Variants in TCF12 observed in about 807,000 individuals in gnomAD.
TCF12 encodes transcription factor 12, also known as DNA-binding protein HTF4.
In TCF12, 45 loss-of-function variants were observed where a neutral mutation model predicts 86.0. The observed-to-expected ratio is 0.52, with a 90% CI of 0.41 to 0.67. The LOEUF (loss-of-function observed/expected upper bound fraction) is 0.67. Among genes scored for constraint, TCF12 ranks in the 30% least tolerant of loss-of-function variants. The pLI is 0.00. For missense variants in TCF12, 881 were observed against 859.9 expected (o/e 1.02, Z -0.31); for synonymous variants, 330 against 299.6 (o/e 1.10, Z -1.05).
chr15:57,095,424 A>G (rs2049258903), intron 5 of TCF12, among the ~76,000 whole-genome samples: 1 of 152,206 alleles, frequency 6.6e-6, no homozygotes, highest in Non-Finnish European at 1.5e-5. Context: ...TGAACTTAGA[A>G]ACAAATTATT....
intron 16 of TCF12, among the ~76,000 whole-genome samples, chr15:57,254,026 T>A (rs1321600854): frequency 2.6e-5 from 4 of 152,098 alleles, no homozygotes; most frequent in African/African-American, 4.8e-5. Context: ...TTAAAGGGGG[T>A]GTTCGTTCTA....
intron 3 of TCF12, among the ~76,000 whole-genome samples, chr15:56,962,068 G>A (rs1436900357): frequency 3.3e-5 from 5 of 149,800 alleles, no homozygotes; most frequent in Admixed American, 6.7e-5. Flanking sequence ...GGGAGGCGGA[G>A]CTTGCAGTGA....
chr15:57,236,379 A>G (rs1162731415), intron 12 of TCF12, among the ~76,000 whole-genome samples: 1 of 152,208 alleles, frequency 6.6e-6, no homozygotes, highest in East Asian at 1.9e-4. Flanking sequence ...AAGGAAATTA[A>G]TGAGGATTAC....
chr15:57,018,303 A>G (rs1299797223), intron 3 of TCF12, among the ~76,000 whole-genome samples: 1 of 152,154 alleles, frequency 6.6e-6, no homozygotes, highest in African/African-American at 2.4e-5. Flanking sequence ...GTGATTGGCT[A>G]TACATTGTTA....
chr15:57,279,096 G>C (rs2061561864), intron 19 of TCF12, among the ~76,000 whole-genome samples: 1 of 151,898 alleles, frequency 6.6e-6, no homozygotes, highest in African/African-American at 2.4e-5. Flanking sequence ...CCAGGCTCAA[G>C]TGATCCTCCT....
intron 16 of TCF12, among the ~76,000 whole-genome samples, chr15:57,258,465 A>G (rs1431490612): frequency 6.6e-6 from 1 of 152,184 alleles, no homozygotes; most frequent in African/African-American, 2.4e-5. Flanking sequence ...TCAGACAGTA[A>G]CTTCAACTTC....
At chr15:57,087,733 A>G (rs913492142) in intron 4 of TCF12, among the ~76,000 whole-genome samples, 1 of 152,172 alleles carries the variant, frequency 6.6e-6, no homozygotes, top group Non-Finnish European at 1.5e-5. Context: ...TGATTTTATC[A>G]ATTATTAATA....
At chr15:57,073,779 C>T (rs965853708) in intron 4 of TCF12, among the ~76,000 whole-genome samples, 5 of 152,148 alleles carry the variant, frequency 3.3e-5, no homozygotes, top group African/African-American at 1.2e-4. Flanking sequence ...GACGGAGTCT[C>T]GCTGTGTCGC....
At chr15:57,010,359 A>G (rs1003068186) in intron 3 of TCF12, among the ~76,000 whole-genome samples, 1 of 152,122 alleles carries the variant, frequency 6.6e-6, no homozygotes, top group Non-Finnish European at 1.5e-5. Context: ...AGCAGCCCCC[A>G]TCTCTACCAG....
At chr15:57,102,380 C>T (rs1405690879) in intron 5 of TCF12, among the ~76,000 whole-genome samples, 1 of 152,100 alleles carries the variant, frequency 6.6e-6, no homozygotes, top group African/African-American at 2.4e-5. Flanking sequence ...GGTGGATTAC[C>T]TGAGGTCAGG....
chr15:57,022,442 A>C (rs2065552912), intron 3 of TCF12, among the ~76,000 whole-genome samples: 1 of 152,202 alleles, frequency 6.6e-6, no homozygotes, highest in Non-Finnish European at 1.5e-5. Context: ...TATATGTGCC[A>C]CATTTTCTTA....
At position 57,287,280 on chromosome 15, in the gene TCF12, C is replaced by G. The variant is rs544758865; in HGVS notation, c.*1135C>G. The G allele has an allele frequency of 6.5e-6, 1 of 152,868 alleles. No individual in the cohort carries two copies. Among genetic ancestry groups the G allele is most frequent in the Admixed American group, 6.5e-5 (1 of 15,330 alleles). The allele number at this position is 152,868 out of a possible 1,614,324, so 9.5% of individuals were successfully genotyped here. A position where few individuals can be genotyped will look rare whatever the true frequency, so the allele number is the denominator to read the frequency against. ...GCAGGTAGTGTGATAAATGAACACACCACTCTGAGGCTAATTACCTAATGG... is the reference window on the plus strand; with the variant it reads ...GCAGGTAGTGTGATAAATGAACACAGCACTCTGAGGCTAATTACCTAATGG... On this transcript the variant is annotated 3_prime_UTR_variant, in exon 21 of 21. Transcript: ENST00000333725.
chr15:56,943,693 C>T (rs1292815578), intron 3 of TCF12, among the ~76,000 whole-genome samples: 2 of 152,122 alleles, frequency 1.3e-5, no homozygotes, highest in South Asian at 2.1e-4. Flanking sequence ...AAAAGCGAGT[C>T]TCATGGACAG....
intron 5 of TCF12, among the ~76,000 whole-genome samples, chr15:57,126,990 T>G (rs1459714167): frequency 6.6e-6 from 1 of 151,480 alleles, no homozygotes; most frequent in African/African-American, 2.4e-5. Flanking sequence ...TTTTCTTTTT[T>G]TTTTTTTGGA....
intron 3 of TCF12, among the ~76,000 whole-genome samples, chr15:56,982,424 T>C (rs190208301): frequency 5.9e-5 from 9 of 152,312 alleles, no homozygotes; most frequent in African/African-American, 2.2e-4. Context: ...GGTGATTACA[T>C]GTAATACAGA....
intron 6 of TCF12, among the ~76,000 whole-genome samples, chr15:57,172,834 C>G (rs1254687084): frequency 6.6e-6 from 1 of 151,988 alleles, no homozygotes; most frequent in Non-Finnish European, 1.5e-5. Context: ...GGTGTGGTGA[C>G]TCATGCCTGT....
chr15:57,186,508 G>A (rs2056674765), intron 6 of TCF12, among the ~76,000 whole-genome samples: 1 of 152,074 alleles, frequency 6.6e-6, no homozygotes, highest in African/African-American at 2.4e-5. Flanking sequence ...AAGAAAAAAA[G>A]AAAAGTCCAG....
intron 3 of TCF12, among the ~76,000 whole-genome samples, chr15:56,938,311 C>G (rs2060574092): frequency 6.6e-6 from 1 of 152,036 alleles, no homozygotes; most frequent in African/African-American, 2.4e-5. Context: ...CAGGCACGTG[C>G]CACCATGCCC....
rs1333705569 is a variant in TCF12 at position 57,133,289 on chromosome 15, C to T, written c.326-33113C>T. Among the ~76,000 whole-genome samples the T allele has an allele frequency of 2.6e-5, 4 of 152,202 alleles. No homozygotes were observed. The East Asian group carries it at 7.7e-4, about 29-fold the overall frequency. On this transcript the variant is annotated intron_variant, in intron 5 of 20. Coordinates refer to ENST00000333725, the MANE Select transcript of TCF12 (RefSeq NM_207037.2). ...TTTTAGCACTGCGTGCCTTGCTTAG[C>T]CTGCCGTGTAAAGTCAGTTGCCTCA...
Sources: gnomAD v4.1 joint callset for allele counts (sites outside exome capture counted in the v4.1 genomes callset) on GRCh38, gnomAD v4.1.1 for gene constraint, MANE v1.5 for transcripts, NCBI Gene and HGNC (gene_info 2026-07-23, HGNC 2026-07-21) for gene names.